Variants in GRID2 observed in about 807,000 individuals in gnomAD.
GRID2 encodes glutamate receptor ionotropic, delta-2.
GRID2 carries 33 observed loss-of-function variants against 114.8 expected under a neutral mutation model. That is an observed-to-expected ratio of 0.29 (90% CI 0.22 to 0.38). The LOEUF is 0.38. Among genes scored for constraint, GRID2 ranks in the 10% least tolerant of loss-of-function variants. GRID2 has a pLI of 1.00. For missense variants in GRID2, 1,184 were observed against 1,257.7 expected, an observed-to-expected ratio of 0.94 and a Z score of 0.89; for synonymous variants, 505 against 449.9, an observed-to-expected ratio of 1.12 and a Z score of -1.55.
chr4:93,583,553 A>G (rs530025679), intron 13 of GRID2, among the ~76,000 whole-genome samples: 1 of 152,226 alleles, frequency 6.6e-6, no homozygotes, highest in Non-Finnish European at 1.5e-5. Context: ...CAAACATCCA[A>G]TCCCCATAAC....
chr4:93,325,938 T>C (rs1445923045), intron 8 of GRID2, among the ~76,000 whole-genome samples: 3 of 152,162 alleles, frequency 2.0e-5, no homozygotes, highest in South Asian at 2.1e-4. Context: ...TCTCAAGAGA[T>C]ACATTTTGTG....
In GRID2 at chr4:93,141,410, A is replaced by G. The variant is rs374265800; in HGVS notation, c.735+30457A>G. Among the ~76,000 whole-genome samples the G allele has an allele frequency of 6.6e-5, 10 of 152,286 alleles. No individual in the cohort carries two copies. The East Asian group carries it at 1.7e-3, about 26-fold the overall frequency. ...GGATCCTAGATCCTGATATCCTGGCAGTTACCTTGACTCAAAAAGTGAGGA... is the reference window on the plus strand; with the variant it reads ...GGATCCTAGATCCTGATATCCTGGCGGTTACCTTGACTCAAAAAGTGAGGA... On this transcript the variant is annotated intron_variant, in intron 4 of 15. Transcript: ENST00000282020.
intron 2 of GRID2, among the ~76,000 whole-genome samples, chr4:92,723,175 T>C (rs1203913504): frequency 6.6e-6 from 1 of 152,106 alleles, no homozygotes; most frequent in Non-Finnish European, 1.5e-5. Context: ...AACCACATTG[T>C]TGTAATTATT....
rs897411033 is a variant in GRID2 at position 93,471,698 on chromosome 4, A to ATTTTTT, written c.1858+15736_1858+15741dup. ...ATTGTTATTTCTTCTCCTGAATTCA[A>ATTTTTT]TTTTTTTTTTTTTTTTTGGAGACGG... is the stretch of plus-strand genomic sequence containing the variant. On this transcript the variant is annotated intron_variant, in intron 11 of 15. Coordinates refer to ENST00000282020, the MANE Select transcript of GRID2 (RefSeq NM_001510.4). 1.4e-3 allele frequency among the ~76,000 whole-genome samples: 86 copies of ATTTTTT among 61,000 alleles called. 12 individuals are homozygous for ATTTTTT. Among genetic ancestry groups the ATTTTTT allele is most frequent in the South Asian group, 5.3e-3 (10 of 1,892 alleles). The allele number at this position is 61,000 out of a possible 152,430, so 40.0% of individuals were successfully genotyped here.
At chr4:92,357,004 T>C (rs1406681190) in intron 1 of GRID2, among the ~76,000 whole-genome samples, 1 of 151,798 alleles carries the variant, frequency 6.6e-6, no homozygotes, top group Non-Finnish European at 1.5e-5. Flanking sequence ...AAGAGCAACA[T>C]GCACGGATCC....
In GRID2 at chr4:93,620,826, T is replaced by C. The variant is rs188409916; in HGVS notation, c.2194-5443T>C. Among the ~76,000 whole-genome samples the C allele has an allele frequency of 1.1e-4, 16 of 152,308 alleles. No individual in the cohort carries two copies. In the East Asian group the frequency reaches 3.1e-3, roughly 29 times the overall value. On this transcript the variant is annotated intron_variant, in intron 13 of 15. Transcript: ENST00000282020. Reference sequence around the variant, plus strand: ...TATGTTTTCAATTGGTTAGGTACTATTGATAAGGAATTTAAATATTTGGGG... The same window carrying C: ...TATGTTTTCAATTGGTTAGGTACTACTGATAAGGAATTTAAATATTTGGGG...
At chr4:93,391,396 G>A (rs1261533965) in intron 8 of GRID2, among the ~76,000 whole-genome samples, 5 of 152,018 alleles carry the variant, frequency 3.3e-5, no homozygotes, top group Admixed American at 2.6e-4. Context: ...ATGGCTTTTT[G>A]TTCCCTCTTT....
chr4:92,402,257 C>A (rs1326355799), intron 1 of GRID2, among the ~76,000 whole-genome samples: 1 of 152,118 alleles, frequency 6.6e-6, no homozygotes, highest in African/African-American at 2.4e-5. Context: ...GGGTTGAAAT[C>A]AACTTCTTTC....
intron 8 of GRID2, among the ~76,000 whole-genome samples, chr4:93,363,943 C>G (rs905618043): frequency 6.6e-6 from 1 of 151,936 alleles, no homozygotes; most frequent in African/African-American, 2.4e-5. Context: ...TTTATATTCT[C>G]TATTCTTCAG....
intron 2 of GRID2, among the ~76,000 whole-genome samples, chr4:92,898,555 A>G (rs956423189): frequency 6.6e-6 from 1 of 152,180 alleles, no homozygotes; most frequent in Non-Finnish European, 1.5e-5. Flanking sequence ...CTGTGAAATT[A>G]CACTGCTTTG....
At chr4:93,185,608 A>T (rs1740327899) in intron 4 of GRID2, among the ~76,000 whole-genome samples, 1 of 152,168 alleles carries the variant, frequency 6.6e-6, no homozygotes. Flanking sequence ...TGGACTTTAA[A>T]ACTGTAGATA....
chr4:92,341,116 A>C (rs941695078), intron 1 of GRID2, among the ~76,000 whole-genome samples: 1 of 152,196 alleles, frequency 6.6e-6, no homozygotes, highest in African/African-American at 2.4e-5. Flanking sequence ...GGTATACAGT[A>C]GATAGTATAT....
rs1292037285 is a variant in GRID2, at chr4:93,408,140, C to T, written c.1347+12432C>T. Among the ~76,000 whole-genome samples the T allele has an allele frequency of 3.9e-5, 6 of 152,082 alleles. 1 individual carries two copies. Among genetic ancestry groups the T allele is most frequent in the African/African-American group, 1.4e-4 (6 of 41,414 alleles). On this transcript the variant is annotated intron_variant, in intron 9 of 15. Transcript: ENST00000282020. ...GAAGCAGCTGATTAGCATTTGAAAG[C>T]AAGGTCTTTCACTGTTTTAAAAGTG...
chr4:93,601,305 A>G (rs181542767), intron 13 of GRID2, among the ~76,000 whole-genome samples: 107 of 152,280 alleles, frequency 7.0e-4, no homozygotes, highest in Non-Finnish European at 8.2e-4. Context: ...ATGCCTACTC[A>G]AGGAAGTTCC....
intron 14 of GRID2, among the ~76,000 whole-genome samples, chr4:93,685,369 C>T (rs141101259): frequency 1.3e-5 from 2 of 152,156 alleles, no homozygotes; most frequent in Admixed American, 6.5e-5. Flanking sequence ...CTAGCTCAGA[C>T]GTCACATCCT....
rs937067128 is a variant in GRID2, at chr4:92,510,759, G to A, written c.89-79372G>A. Among the ~76,000 whole-genome samples the A allele has an allele frequency of 9.9e-5, 15 of 151,308 alleles. 1 individual carries two copies. The highest frequency in any genetic ancestry group is 2.2e-4 in the Non-Finnish European group (15 of 67,794). The stretch of plus-strand genomic sequence containing the variant: ...ATAAATGATAAATTCATGAGGTAAT[G>A]GATACCCGGATTACCCTGAATTGAT... On this transcript the variant is annotated intron_variant, in intron 1 of 15. Transcript: ENST00000282020.
intron 1 of GRID2, among the ~76,000 whole-genome samples, chr4:92,560,083 T>G (rs1340006151): frequency 3.3e-5 from 5 of 152,206 alleles, no homozygotes; most frequent in Non-Finnish European, 4.4e-5. Flanking sequence ...AATGACATTT[T>G]AGGAGTTCTA....
At chr4:93,497,489 T>C (rs1452739855) in intron 12 of GRID2, among the ~76,000 whole-genome samples, 1 of 151,846 alleles carries the variant, frequency 6.6e-6, no homozygotes, top group Admixed American at 6.6e-5. Context: ...GTTTTATAGT[T>C]TTACATTACA....
intron 8 of GRID2, among the ~76,000 whole-genome samples, chr4:93,391,645 C>T (rs1480959116): frequency 6.6e-6 from 1 of 152,108 alleles, no homozygotes; most frequent in East Asian, 1.9e-4. Flanking sequence ...TCGAGCAGTT[C>T]AGCTCTTTTT....
Sources: gnomAD v4.1 joint callset for allele counts (sites outside exome capture counted in the v4.1 genomes callset) on GRCh38, gnomAD v4.1.1 for gene constraint, MANE v1.5 for transcripts, NCBI Gene and HGNC (gene_info 2026-07-23, HGNC 2026-07-21) for gene names.